SPAG17: variants seen among roughly 807,000 people sequenced by gnomAD.
The protein encoded by SPAG17 is sperm associated antigen 17.
SPAG17 carries 169 observed loss-of-function variants against 273.6 expected under a neutral mutation model. The ratio of observed to expected loss-of-function variants is 0.62; its 90% CI spans 0.55 to 0.70. The LOEUF (loss-of-function observed/expected upper bound fraction) is 0.70, where lower values mean the gene tolerates loss of function less well. SPAG17 is among the 30% of genes least tolerant of loss of function. SPAG17 has a pLI of 0.00. For missense variants in SPAG17, 2,557 were observed against 2,627.8 expected, an observed-to-expected ratio of 0.97 and a Z score of 0.59; for synonymous variants, 825 against 873.2, an observed-to-expected ratio of 0.94 and a Z score of 0.97.
chr1:118,168,956 C>T (rs898978804), intron 1 of SPAG17, among the ~76,000 whole-genome samples: 1 of 152,104 alleles, frequency 6.6e-6, no homozygotes, highest in Non-Finnish European at 1.5e-5. Flanking sequence ...AGAAAGGCCA[C>T]ATTAGGCAGA....
At chr1:118,017,118 G>T (rs1291835597) in intron 28 of SPAG17, among the ~76,000 whole-genome samples, 1 of 152,138 alleles carries the variant, frequency 6.6e-6, no homozygotes, top group Non-Finnish European at 1.5e-5. Flanking sequence ...GATAAATCAG[G>T]TTGAGCCTTT....
chr1:118,101,371 T>C (rs990613653), intron 5 of SPAG17, among the ~76,000 whole-genome samples: 3 of 152,220 alleles, frequency 2.0e-5, no homozygotes, highest in African/African-American at 4.8e-5. Context: ...GTATAAGCCA[T>C]GATTGTGCCA....
intron 20 of SPAG17, among the ~76,000 whole-genome samples, chr1:118,043,281 C>T (rs925056266): frequency 3.9e-5 from 6 of 152,110 alleles, no homozygotes; most frequent in Non-Finnish European, 4.4e-5. Flanking sequence ...GACGTTCATC[C>T]TAACATTAAG....
intron 3 of SPAG17, among the ~76,000 whole-genome samples, chr1:118,132,487 A>G (rs530699611): frequency 1.3e-5 from 2 of 152,306 alleles, no homozygotes; most frequent in South Asian, 4.1e-4. Context: ...TCTTCATATG[A>G]GCAAAACCCC....
At chr1:118,164,867 G>A (rs989631598) in intron 1 of SPAG17, among the ~76,000 whole-genome samples, 2 of 152,012 alleles carry the variant, frequency 1.3e-5, no homozygotes, top group African/African-American at 4.8e-5. Context: ...CTACTTTTTT[G>A]GTTGTTTTGA....
At position 118,010,874 on chromosome 1, in the gene SPAG17, C is replaced by A. The variant is rs150118660; in HGVS notation, c.4432+1354G>T. Among the ~76,000 whole-genome samples the A allele has an allele frequency of 9.5e-4, 145 of 152,102 alleles. 2 individuals are homozygous for A. Among genetic ancestry groups the A allele is most frequent in the African/African-American group, 3.4e-3 (142 of 41,512 alleles). On this transcript the variant is annotated intron_variant, in intron 30 of 48. Coordinates refer to ENST00000336338, the MANE Select transcript of SPAG17 (RefSeq NM_206996.4). ...TCCGTAAGGAATTTAAACAAATTAGCAAGCAAAAAACCAAACAACCCCATT... is the reference window on the plus strand; with the variant it reads ...TCCGTAAGGAATTTAAACAAATTAGAAAGCAAAAAACCAAACAACCCCATT...
intron 36 of SPAG17, 121 bp from the exon 37 acceptor site, chr1:117,991,649 A>G: frequency 1.8e-6 from 1 of 551,676 alleles, no homozygotes; most frequent in Non-Finnish European, 3.1e-6. Flanking sequence ...ACAGTGCTCA[A>G]CAACTGTTTA....
At chr1:118,007,067 C>T (rs569323591) in intron 31 of SPAG17, among the ~76,000 whole-genome samples, 41 of 151,332 alleles carry the variant, frequency 2.7e-4, no homozygotes, top group African/African-American at 9.9e-4. Context: ...TATCTTTTCA[C>T]GTTCTTGGTG....
intron 30 of SPAG17, among the ~76,000 whole-genome samples, chr1:118,010,655 C>A (rs1202262750): frequency 1.3e-5 from 2 of 152,072 alleles, no homozygotes; most frequent in African/African-American, 2.4e-5. Context: ...TAGCAACAGG[C>A]AAAGATTTCA....
At chr1:117,989,707 T>C (rs771282553) in intron 38 of SPAG17, among the ~76,000 whole-genome samples, 3 of 152,046 alleles carry the variant, frequency 2.0e-5, no homozygotes, top group Non-Finnish European at 1.5e-5. Flanking sequence ...TCCAGAGTAG[T>C]TGGGACCACA....
intron 1 of SPAG17, among the ~76,000 whole-genome samples, chr1:118,181,230 C>T (rs968003922): frequency 1.1e-4 from 17 of 151,936 alleles, no homozygotes; most frequent in Non-Finnish European, 2.5e-4. Context: ...ACAAAAAAAT[C>T]TGTCAGGCAT....
At chr1:118,067,713 C>A (rs952636810) in intron 17 of SPAG17, among the ~76,000 whole-genome samples, 2 of 152,162 alleles carry the variant, frequency 1.3e-5, no homozygotes, top group South Asian at 4.1e-4. Flanking sequence ...TTAGAATTCT[C>A]ATTTTTTCAG....
intron 3 of SPAG17, among the ~76,000 whole-genome samples, chr1:118,131,981 T>C (rs1658076966): frequency 6.6e-6 from 1 of 152,222 alleles, no homozygotes; most frequent in South Asian, 2.1e-4. Context: ...CAATGCTGGA[T>C]ATTCAAAGAC....
At chr1:118,132,629 GTTTAGCAGAAGTATTTTAA>G (rs1011721712) in intron 3 of SPAG17, among the ~76,000 whole-genome samples, 46 of 152,160 alleles carry the variant, frequency 3.0e-4, no homozygotes, top group African/African-American at 1.1e-3. Context: ...AAGCATGCAT[GTTTAGCAGAAGTATTTTAA>G]TTTAGCAGAA....
chr1:118,005,978 T>A lies in SPAG17; in HGVS notation c.4588-376A>T, dbSNP rs1237565305. ...TGCTCATGATCTTGGATAAGAAGCA[T>A]CTCTGAAAGGGTATAAAACTGTGCG... On this transcript the variant is annotated intron_variant, in intron 31 of 48. Transcript: ENST00000336338. 2.6e-5 allele frequency among the ~76,000 whole-genome samples: 4 copies of A among 152,314 alleles called. No individual in the cohort carries two copies. In the East Asian group the frequency reaches 7.7e-4, roughly 29 times the overall value.
intron 1 of SPAG17, among the ~76,000 whole-genome samples, chr1:118,165,937 C>T (rs1342407953): frequency 6.6e-6 from 1 of 152,152 alleles, no homozygotes; most frequent in Non-Finnish European, 1.5e-5. Context: ...GCCACCGCAC[C>T]CGGCCGAAAT....
intron 38 of SPAG17, among the ~76,000 whole-genome samples, chr1:117,989,735 C>T (rs1656860562): frequency 6.6e-6 from 1 of 151,998 alleles, no homozygotes; most frequent in Admixed American, 6.6e-5. Context: ...ACCACTACAC[C>T]TGACTAATTT....
intron 32 of SPAG17, among the ~76,000 whole-genome samples, chr1:117,997,113 A>G (rs1203990660): frequency 6.6e-6 from 1 of 152,126 alleles, no homozygotes; most frequent in Non-Finnish European, 1.5e-5. Flanking sequence ...AGGACCTTTG[A>G]ATGGAAGGGG....
intron 29 of SPAG17, among the ~76,000 whole-genome samples, chr1:118,013,600 G>A (rs1168569914): frequency 6.6e-6 from 1 of 152,018 alleles, no homozygotes; most frequent in African/African-American, 2.4e-5. Context: ...GTATCTTCTT[G>A]GAAATGTTAT....
Sources: gnomAD v4.1 joint callset for allele counts (sites outside exome capture counted in the v4.1 genomes callset) on GRCh38, gnomAD v4.1.1 for gene constraint, MANE v1.5 for transcripts, NCBI Gene and HGNC (gene_info 2026-07-23, HGNC 2026-07-21) for gene names.